Variants in ZNF487 observed in about 807,000 individuals in gnomAD.
The protein encoded by ZNF487 is zinc finger protein 487, also known as KRAB domain only 1.
ZNF487 carries 4 observed loss-of-function variants against 3.0 expected under a neutral mutation model. That is an observed-to-expected ratio of 1.35 (90% CI 0.66 to 3.08). The LOEUF (loss-of-function observed/expected upper bound fraction) is 3.08, where lower values mean the gene tolerates loss of function less well. Among genes scored for constraint, ZNF487 ranks in the 30% most tolerant of loss-of-function variants. The probability of loss-of-function intolerance (pLI) is 0.01; values close to 1 mark genes in which losing one functional copy is unlikely to be tolerated. For missense variants in ZNF487, 146 were observed against 98.7 expected, an observed-to-expected ratio of 1.48 and a Z score of -2.03; for synonymous variants, 55 against 34.6, an observed-to-expected ratio of 1.59 and a Z score of -2.06.
chr10:43,466,050 TGGCGGTGC>T (rs1554798583), intron 1 of ZNF487, among the ~76,000 whole-genome samples: 6 of 152,132 alleles, frequency 3.9e-5, no homozygotes, highest in Middle Eastern at 3.2e-3. Context: ...CAGTCAGGCG[TGGCGGTGC>T]GCGCCTGCAA....
chr10:43,459,811 T>C (rs1840358749), intron 1 of ZNF487, among the ~76,000 whole-genome samples: 1 of 131,044 alleles, frequency 7.6e-6, no homozygotes, highest in Admixed American at 7.5e-5. Context: ...ATTATTATTA[T>C]TATTTTCTGA....
the ZNF487 span, among the ~76,000 whole-genome samples, chr10:43,502,111 T>G: frequency 6.6e-6 from 1 of 152,128 alleles, no homozygotes; most frequent in African/African-American, 2.4e-5. Context: ...CTATTCACAA[T>G]AGCAAAGACT....
the ZNF487 span, among the ~76,000 whole-genome samples, chr10:43,493,711 T>A: frequency 0.31 from 5,878 of 19,032 alleles, 485 homozygotes; most frequent in East Asian, 0.36. Context: ...AAAAAAAAAA[T>A]ATATATATAT....
the ZNF487 span, among the ~76,000 whole-genome samples, chr10:43,503,111 T>C: frequency 6.6e-6 from 1 of 150,802 alleles, no homozygotes; most frequent in Admixed American, 6.6e-5. Context: ...ACTGTTATCA[T>C]AGAGATGGCA....
At chr10:43,521,087 G>C in the ZNF487 span, among the ~76,000 whole-genome samples, 9 of 152,040 alleles carry the variant, frequency 5.9e-5, no homozygotes, top group Non-Finnish European at 1.2e-4. Flanking sequence ...AAAAAGATAT[G>C]GTTGATTATC....
intron 1 of ZNF487, among the ~76,000 whole-genome samples, chr10:43,447,985 AT>A (rs71016768): frequency 3.3e-3 from 329 of 100,124 alleles, no homozygotes; most frequent in African/African-American, 6.9e-3. Context: ...CTTGGAAACC[AT>A]TTTTTTTTTT....
chr10:43,514,557 C>G, the ZNF487 span, among the ~76,000 whole-genome samples: 5 of 152,184 alleles, frequency 3.3e-5, no homozygotes, highest in East Asian at 9.6e-4. Flanking sequence ...TGTAGGAACA[C>G]CATGATTAGC....
the ZNF487 span, among the ~76,000 whole-genome samples, chr10:43,505,079 G>A: frequency 6.6e-6 from 1 of 152,044 alleles, no homozygotes; most frequent in African/African-American, 2.4e-5. Flanking sequence ...CTATTCACAG[G>A]TACAGTCACA....
chr10:43,436,914 T>C (rs1323493867), upstream of ZNF487: 4 of 468,642 alleles, frequency 8.5e-6, no homozygotes, highest in Non-Finnish European at 1.8e-5. Flanking sequence ...GACTGCGCCG[T>C]GTCTTCCTGA....
the ZNF487 span, among the ~76,000 whole-genome samples, chr10:43,503,110 A>G: frequency 2.6e-5 from 4 of 151,474 alleles, no homozygotes; most frequent in Non-Finnish European, 4.4e-5. Flanking sequence ...CACTGTTATC[A>G]TAGAGATGGC....
chr10:43,447,809 A>C (rs762446951), intron 1 of ZNF487, among the ~76,000 whole-genome samples: 4 of 151,962 alleles, frequency 2.6e-5, no homozygotes, highest in Admixed American at 6.6e-5. Context: ...CAGACTATCA[A>C]ATCTATCTTT....
chr10:43,522,029 A>C, the ZNF487 span, among the ~76,000 whole-genome samples: 9 of 152,340 alleles, frequency 5.9e-5, no homozygotes, highest in Admixed American at 2.0e-4. Flanking sequence ...TGGTAAAAGA[A>C]AATGAAGATA....
At chr10:43,470,680 C>G (rs191601263) in intron 1 of ZNF487, among the ~76,000 whole-genome samples, 3 of 151,656 alleles carry the variant, frequency 2.0e-5, no homozygotes, top group Admixed American at 1.3e-4. Context: ...CCAGCACACC[C>G]GGGCAATTTT....
chr10:43,488,132 C>G (rs1290537411), downstream of ZNF487, among the ~76,000 whole-genome samples: 1 of 151,320 alleles, frequency 6.6e-6, no homozygotes, highest in East Asian at 1.9e-4. Flanking sequence ...GATATTACAT[C>G]CTTAATTGTG....
At chr10:43,479,856 G>A (rs534383140) in intron 3 of ZNF487, among the ~76,000 whole-genome samples, 5 of 152,026 alleles carry the variant, frequency 3.3e-5, no homozygotes, top group East Asian at 3.9e-4. Context: ...GGGGTTTGCC[G>A]TGTTGGCAAG....
the ZNF487 span, among the ~76,000 whole-genome samples, chr10:43,513,097 A>G: frequency 6.6e-6 from 1 of 152,216 alleles, no homozygotes; most frequent in Non-Finnish European, 1.5e-5. Flanking sequence ...AATATCATCA[A>G]TGTAATGGAC....
intron 1 of ZNF487, among the ~76,000 whole-genome samples, chr10:43,462,267 A>C (rs1840458062): frequency 6.6e-6 from 1 of 151,720 alleles, no homozygotes; most frequent in African/African-American, 2.4e-5. Flanking sequence ...TGTAGGGTTG[A>C]ACTACTATGC....
chr10:43,441,013 A>G (rs1230634791), intron 1 of ZNF487, among the ~76,000 whole-genome samples: 1 of 139,150 alleles, frequency 7.2e-6, no homozygotes, highest in Non-Finnish European at 1.5e-5. Flanking sequence ...ACCACAGGTA[A>G]ATGCTACCAC....
intron 1 of ZNF487, among the ~76,000 whole-genome samples, chr10:43,464,528 A>C (rs1840580993): frequency 6.6e-6 from 1 of 152,126 alleles, no homozygotes; most frequent in Non-Finnish European, 1.5e-5. Context: ...GGCCTTCCGC[A>C]GTGTTTGTGT....
Sources: gnomAD v4.1 joint callset for allele counts (sites outside exome capture counted in the v4.1 genomes callset) on GRCh38, gnomAD v4.1.1 for gene constraint, MANE v1.5 for transcripts, NCBI Gene and HGNC (gene_info 2026-07-23, HGNC 2026-07-21) for gene names.